Variants in MIPOL1 observed in about 807,000 individuals in gnomAD.
MIPOL1 encodes the protein mirror-image polydactyly gene 1 protein.
A neutral mutation model predicts 60.9 loss-of-function variants in MIPOL1; 57 were observed. The observed-to-expected ratio is 0.94, with a 90% CI of 0.76 to 1.17. MIPOL1 has a LOEUF of 1.17. Ranked by LOEUF, MIPOL1 falls within the 50% of genes most tolerant of loss-of-function variation. The pLI, the probability that MIPOL1 is intolerant of heterozygous loss-of-function variation, is 0.00. For missense variants in MIPOL1, 551 were observed against 511.6 expected (o/e 1.08, Z -0.74); for synonymous variants, 179 against 168.8 (o/e 1.06, Z -0.47).
intron 12 of MIPOL1, among the ~76,000 whole-genome samples, chr14:37,529,227 A>G (rs1332735627): frequency 6.6e-6 from 1 of 152,196 alleles, no homozygotes; most frequent in Non-Finnish European, 1.5e-5. Flanking sequence ...TGGAAAATGT[A>G]GACTAGTGTA....
intron 9 of MIPOL1, among the ~76,000 whole-genome samples, chr14:37,315,964 A>G (rs2087828305): frequency 6.6e-6 from 1 of 152,004 alleles, no homozygotes; most frequent in Non-Finnish European, 1.5e-5. Flanking sequence ...GTCGAAGGAC[A>G]TTGAAATGAG....
intron 7 of MIPOL1, among the ~76,000 whole-genome samples, chr14:37,291,308 G>A (rs927367595): frequency 9.9e-5 from 15 of 152,106 alleles, no homozygotes; most frequent in Admixed American, 3.3e-4. Flanking sequence ...TTGTCCTTAC[G>A]TGTTATCTGT....
chr14:37,295,309 A>G (rs896086816), intron 7 of MIPOL1, among the ~76,000 whole-genome samples: 1 of 152,194 alleles, frequency 6.6e-6, no homozygotes, highest in Non-Finnish European at 1.5e-5. Context: ...AGGAAGCACT[A>G]ACCATGGAAA....
chr14:37,394,380 C>G (rs1304525852), intron 10 of MIPOL1, among the ~76,000 whole-genome samples: 1 of 151,922 alleles, frequency 6.6e-6, no homozygotes, highest in Admixed American at 6.6e-5. Context: ...TTCCCACCAG[C>G]AGTGTAGAAG....
At position 37,408,231 on chromosome 14, in the gene MIPOL1, C is replaced by A. The variant is rs373607448; in HGVS notation, c.937-14624C>A. Among the ~76,000 whole-genome samples the A allele has an allele frequency of 3.3e-5, 5 of 152,136 alleles. No individual in the cohort carries two copies. In the East Asian group the frequency reaches 9.7e-4, roughly 29 times the overall value. ...AACAATATTATTAGAGTGATTATAT[C>A]CAAAATTTTATTTTACTTTTCATAT... On this transcript the variant is annotated intron_variant, in intron 10 of 12. Coordinates refer to ENST00000684589, the MANE Select transcript of MIPOL1 (RefSeq NM_001388067.1).
chr14:37,493,852 G>A (rs949974873), intron 11 of MIPOL1, among the ~76,000 whole-genome samples: 1 of 152,054 alleles, frequency 6.6e-6, no homozygotes, highest in African/African-American at 2.4e-5. Flanking sequence ...TGACTCTTTG[G>A]CTGTTATTTC....
chr14:37,458,681 T>G (rs1178058747), intron 11 of MIPOL1, among the ~76,000 whole-genome samples: 1 of 151,026 alleles, frequency 6.6e-6, no homozygotes, highest in Non-Finnish European at 1.5e-5. Flanking sequence ...CACACACACA[T>G]ACACACAGAC....
At chr14:37,261,488 A>T (rs1317853769) in intron 3 of MIPOL1, among the ~76,000 whole-genome samples, 4 of 152,212 alleles carry the variant, frequency 2.6e-5, no homozygotes, top group African/African-American at 9.6e-5. Context: ...GAGAAAATTT[A>T]AAATATGAAA....
rs10147771 is a variant in MIPOL1, at chr14:37,478,851, T to A, written c.1032-21057T>A. ...AGGGTTTATCAAGAGAATGTAACAG[T>A]TGTAAATATTGTTTTAGACAATATA... is the stretch of plus-strand genomic sequence containing the variant. On this transcript the variant is annotated intron_variant, in intron 11 of 12. Transcript: ENST00000684589. Among the ~76,000 whole-genome samples, 949 of 152,162 alleles carry A rather than the reference T, an allele frequency of 6.2e-3. 10 individuals are homozygous for A. Among genetic ancestry groups the A allele is most frequent in the African/African-American group, 0.02 (847 of 41,528 alleles).
chr14:37,413,209 T>A (rs2093707606), intron 10 of MIPOL1, among the ~76,000 whole-genome samples: 1 of 152,066 alleles, frequency 6.6e-6, no homozygotes, highest in Non-Finnish European at 1.5e-5. Flanking sequence ...GCTCATAGTT[T>A]AAAAAGGAAT....
chr14:37,350,454 A>T (rs2091274163), intron 9 of MIPOL1, among the ~76,000 whole-genome samples: 1 of 148,780 alleles, frequency 6.7e-6, no homozygotes, highest in Non-Finnish European at 1.5e-5. Flanking sequence ...AATTTTTTTT[A>T]ATTTTTAATT....
chr14:37,307,992 C>T (rs1218708100), intron 7 of MIPOL1, 64 bp from the exon 8 acceptor site: 16 of 1,363,342 alleles, frequency 1.2e-5, no homozygotes, highest in East Asian at 2.3e-5. Flanking sequence ...ATTTAAAAAG[C>T]GAACTCATTT....
At chr14:37,284,690 G>A (rs2084407296) in intron 6 of MIPOL1, among the ~76,000 whole-genome samples, 1 of 152,142 alleles carries the variant, frequency 6.6e-6, no homozygotes, top group African/African-American at 2.4e-5. Context: ...TAAATAGTTG[G>A]TAGAGTTGCT....
intron 1 of MIPOL1, among the ~76,000 whole-genome samples, chr14:37,225,743 T>A (rs1483531606): frequency 6.6e-6 from 1 of 152,184 alleles, no homozygotes; most frequent in Non-Finnish European, 1.5e-5. Flanking sequence ...TTATGCAAAT[T>A]TATGCAGTCG....
At chr14:37,480,327 TCAA>T (rs2094843153) in intron 11 of MIPOL1, among the ~76,000 whole-genome samples, 1 of 152,096 alleles carries the variant, frequency 6.6e-6, no homozygotes, top group Admixed American at 6.6e-5. Flanking sequence ...CAAACCAAAT[TCAA>T]CAACACATTA....
intron 1 of MIPOL1, among the ~76,000 whole-genome samples, chr14:37,202,659 A>C (rs779850597): frequency 6.6e-6 from 1 of 152,180 alleles, no homozygotes; most frequent in Non-Finnish European, 1.5e-5. Context: ...AATTTGTACG[A>C]TCATCCTTAG....
chr14:37,332,216 G>A (rs1214197329), intron 9 of MIPOL1, among the ~76,000 whole-genome samples: 2 of 151,886 alleles, frequency 1.3e-5, no homozygotes, highest in African/African-American at 2.4e-5. Context: ...CCTTTGTCAT[G>A]TTGAGATGTG....
At chr14:37,212,812 G>T (rs1216070891) in intron 1 of MIPOL1, among the ~76,000 whole-genome samples, 1 of 152,184 alleles carries the variant, frequency 6.6e-6, no homozygotes, top group Non-Finnish European at 1.5e-5. Flanking sequence ...AGTCATAGTG[G>T]TGGTGGCCAC....
At chr14:37,433,057 C>G in intron 11 of MIPOL1, among the ~76,000 whole-genome samples, 1 of 152,064 alleles carries the variant, frequency 6.6e-6, no homozygotes, top group Non-Finnish European at 1.5e-5. Context: ...TGATGTTGTA[C>G]TTTTTAAAAT....
Sources: gnomAD v4.1 joint callset for allele counts (sites outside exome capture counted in the v4.1 genomes callset) on GRCh38, gnomAD v4.1.1 for gene constraint, MANE v1.5 for transcripts, NCBI Gene and HGNC (gene_info 2026-07-23, HGNC 2026-07-21) for gene names.